The following EPAS1 variants were observed in gnomAD, a reference collection of about 807,000 sequenced individuals.
EPAS1 encodes the protein endothelial PAS domain-containing protein 1.
EPAS1 carries 23 observed loss-of-function variants against 87.9 expected under a neutral mutation model. The observed-to-expected ratio is 0.26, with a 90% CI of 0.19 to 0.37. The LOEUF (loss-of-function observed/expected upper bound fraction) is 0.37, where lower values mean the gene tolerates loss of function less well. EPAS1 is among the 10% of genes least tolerant of loss of function. The pLI is 1.00. For synonymous variants in EPAS1, 508 were observed against 444.3 expected, an observed-to-expected ratio of 1.14 and a Z score of -1.80; for missense variants, 1,138 against 1,120.7, an observed-to-expected ratio of 1.02 and a Z score of -0.22.
chr2:46,353,498 G>A (rs890363933), intron 2 of EPAS1, among the ~76,000 whole-genome samples: 1 of 152,192 alleles, frequency 6.6e-6, no homozygotes, highest in African/African-American at 2.4e-5. Context: ...ACTGGGCCAC[G>A]CAAATTATGT....
At chr2:46,324,533 G>T (rs191948901) in intron 1 of EPAS1, among the ~76,000 whole-genome samples, 72 of 152,318 alleles carry the variant, frequency 4.7e-4, no homozygotes, top group Non-Finnish European at 1.0e-4. Context: ...AGAACAGACT[G>T]GTTTAAGGCC....
At chr2:46,365,920 A>G (rs371550482) in intron 6 of EPAS1, among the ~76,000 whole-genome samples, 42 of 152,378 alleles carry the variant, frequency 2.8e-4, no homozygotes, top group Admixed American at 9.1e-4. Flanking sequence ...ATTTATTAGC[A>G]GATACATTCT....
chr2:46,380,666 C>T lies in EPAS1; in HGVS notation c.1994C>T (p.Ala665Val), dbSNP rs749922403. The T allele has an allele frequency of 1.1e-5, 18 of 1,613,910 alleles. No homozygotes were observed. Among genetic ancestry groups the T allele is most frequent in the South Asian group, 8.8e-5 (8 of 91,082 alleles). The change falls in exon 12 of 16, where the codon GCG becomes GTG. Residue 665 changes from alanine to valine, a missense_variant. This residue lies in a region of EPAS1 where 502 missense variants were observed against 427.1 expected (regional missense o/e 1.18). Transcript: ENST00000263734. This position sits in a 1 kb window ranked among gnomAD's most constrained non-coding sequence, Gnocchi z 4.4. ...GDQRTEFLGAAPLGPPVSPPH... is the reference protein window; with the variant it reads ...GDQRTEFLGAVPLGPPVSPPH... ...CAGCGCACAGAGTTCTTGGGAGCAG[C>T]GCCGTTGGGGCCCCCTGTCTCTCCA...
intron 2 of EPAS1, among the ~76,000 whole-genome samples, chr2:46,349,233 C>T (rs1684095591): frequency 6.6e-6 from 1 of 152,178 alleles, no homozygotes; most frequent in African/African-American, 2.4e-5. Flanking sequence ...AGAGAGTTGT[C>T]CTGTCCTTCC....
intron 1 of EPAS1, among the ~76,000 whole-genome samples, chr2:46,306,835 G>C (rs1041605716): frequency 1.3e-5 from 2 of 152,192 alleles, no homozygotes; most frequent in Admixed American, 6.5e-5. Flanking sequence ...TGTTTTTAGA[G>C]AGTGTCTAGA....
At chr2:46,359,477 C>T (rs911823085) in intron 4 of EPAS1, among the ~76,000 whole-genome samples, 7 of 151,868 alleles carry the variant, frequency 4.6e-5, no homozygotes, top group African/African-American at 1.7e-4. Context: ...ATTAAAATGG[C>T]AAGAATCATA....
At chr2:46,363,135 G>A (rs1572639827) in intron 6 of EPAS1, among the ~76,000 whole-genome samples, 1 of 152,132 alleles carries the variant, frequency 6.6e-6, no homozygotes, top group East Asian at 1.9e-4. Flanking sequence ...TGAACATTCT[G>A]GGCAGAAGAC....
chr2:46,380,165 G>C lies in EPAS1; in HGVS notation c.1555-62G>C. The C allele has an allele frequency of 1.0e-5, 16 of 1,599,932 alleles. No individual in the cohort carries two copies. In the South Asian group the frequency reaches 1.8e-4, roughly 18 times the overall value. ...GAATGGCTCTGCAGGAGCTGAGTTG[G>C]AATAGTGTTTGTGAGGTCGTACCAA... On this transcript the variant is annotated intron_variant, in intron 11 of 15. Transcript: ENST00000263734. The surrounding 1 kb of genome is among the most constrained non-coding windows in gnomAD (Gnocchi z 4.4).
At chr2:46,356,400 C>G (rs2103629048) in intron 3 of EPAS1, 98 bp downstream of exon 3, 1 of 1,486,492 alleles carries the variant, frequency 6.7e-7, no homozygotes. Context: ...TGACCTCTCC[C>G]TGCAAATGCC....
intron 1 of EPAS1, among the ~76,000 whole-genome samples, chr2:46,302,556 C>T (rs1309190341): frequency 3.3e-5 from 5 of 152,062 alleles, no homozygotes; most frequent in African/African-American, 2.4e-5. Flanking sequence ...CCTCTCCCCA[C>T]CAGTACCATG....
At chr2:46,378,615 T>A (rs1226295797) in intron 10 of EPAS1, 42 bp from the exon 11 acceptor site, 1 of 1,547,542 alleles carries the variant, frequency 6.5e-7, no homozygotes. Context: ...GGGAGACCAG[T>A]GCCATATCTT....
At chr2:46,354,806 C>T (rs1171422515) in intron 2 of EPAS1, among the ~76,000 whole-genome samples, 2 of 152,098 alleles carry the variant, frequency 1.3e-5, no homozygotes, top group South Asian at 4.1e-4. Context: ...GGACACTGGG[C>T]CTGCCTCACC....
At position 46,348,697 on chromosome 2, in the gene EPAS1, G is replaced by A. The variant is rs559301981; in HGVS notation, c.217+1634G>A. Among the ~76,000 whole-genome samples, 363 of 152,298 alleles carry A rather than the reference G, an allele frequency of 2.4e-3. 2 individuals are homozygous for A. Among genetic ancestry groups the A allele is most frequent in the African/African-American group, 8.4e-3 (347 of 41,552 alleles). On this transcript the variant is annotated intron_variant, in intron 2 of 15. Coordinates refer to ENST00000263734, the MANE Select transcript of EPAS1 (RefSeq NM_001430.5). ...AATACAGGTTGAGTATCCCTTATCC[G>A]AAATGCTTGGGAGCAGAAGTGCTTT...
intron 9 of EPAS1, 69 bp downstream of exon 9, chr2:46,376,822 A>G (rs1482203499): frequency 6.5e-7 from 1 of 1,527,088 alleles, no homozygotes; most frequent in Non-Finnish European, 9.0e-7. Flanking sequence ...TTACTATAAC[A>G]GGCCTCCCTG....
In EPAS1 at chr2:46,300,736, G is replaced by A. The variant is rs1682979501; in HGVS notation, c.26+2799G>A. ...TAAATGAGATCCTTGGATAATCAGG[G>A]ATCAAAGTCCAGTCCCAAAGCCAGA... On this transcript the variant is annotated intron_variant, in intron 1 of 15. Coordinates refer to ENST00000263734, the MANE Select transcript of EPAS1 (RefSeq NM_001430.5). The surrounding 1 kb of genome is among the most constrained non-coding windows in gnomAD (Gnocchi z 4.1). Among the ~76,000 whole-genome samples the A allele has an allele frequency of 6.6e-6, 1 of 152,142 alleles. No individual in the cohort carries two copies. Among genetic ancestry groups the A allele is most frequent in the Admixed American group, 6.5e-5 (1 of 15,278 alleles).
intron 8 of EPAS1, among the ~76,000 whole-genome samples, 158 bp from the exon 9 acceptor site, chr2:46,376,381 A>T (rs1684748048): frequency 1.3e-5 from 2 of 152,184 alleles, no homozygotes; most frequent in South Asian, 4.1e-4. Context: ...TCCATGGCTC[A>T]CACACTTCTA....
intron 1 of EPAS1, among the ~76,000 whole-genome samples, chr2:46,332,332 G>GTA (rs35565221): frequency 0.045 from 6,364 of 142,098 alleles, 194 homozygotes; most frequent in Admixed American, 0.082. Flanking sequence ...GTGTGTGTGT[G>GTA]TATCAACTTG....
intron 11 of EPAS1, among the ~76,000 whole-genome samples, chr2:46,379,103 T>C (rs891397338): frequency 6.6e-6 from 1 of 152,234 alleles, no homozygotes; most frequent in East Asian, 1.9e-4. Flanking sequence ...TGTATAAACA[T>C]AGGGGACAAT....
intron 1 of EPAS1, among the ~76,000 whole-genome samples, chr2:46,333,245 A>G (rs2104860110): frequency 6.6e-6 from 1 of 152,308 alleles, no homozygotes; most frequent in South Asian, 2.1e-4. Flanking sequence ...ATGCCAGCTC[A>G]CCATACCATA....
Sources: gnomAD v4.1 joint callset for allele counts (sites outside exome capture counted in the v4.1 genomes callset) on GRCh38, gnomAD v4.1.1 for gene constraint, gnomAD v4.1.1 regional missense constraint, Gnocchi (gnomAD v3.1) non-coding constraint, MANE v1.5 for transcripts, NCBI Gene and HGNC (gene_info 2026-07-23, HGNC 2026-07-21) for gene names.